Variants in EPS8 observed in about 807,000 individuals in gnomAD.
EPS8 encodes EGFR pathway substrate 8, signaling adaptor.
A neutral mutation model predicts 103.8 loss-of-function variants in EPS8; 42 were observed. The observed-to-expected ratio is 0.40, with a 90% CI of 0.32 to 0.52. The LOEUF (loss-of-function observed/expected upper bound fraction) is 0.52. Among genes scored for constraint, EPS8 ranks in the 20% least tolerant of loss-of-function variants. The probability of loss-of-function intolerance (pLI) is 0.40; values close to 1 mark genes in which losing one functional copy is unlikely to be tolerated. For missense variants in EPS8, 969 were observed against 1,005.1 expected, an observed-to-expected ratio of 0.96 and a Z score of 0.49; for synonymous variants, 344 against 344.6, an observed-to-expected ratio of 1.00 and a Z score of 0.02.
chr12:15,641,506 C>A (rs908266020), intron 16 of EPS8, among the ~76,000 whole-genome samples: 3 of 151,812 alleles, frequency 2.0e-5, no homozygotes, highest in Non-Finnish European at 4.4e-5. Context: ...AAAAAACCCA[C>A]CCTGCCACTC....
Position 15,698,322 on chromosome 12 carries a change from A to G in EPS8, c.-21-15350T>C, listed in dbSNP as rs1270394053. Among the ~76,000 whole-genome samples, 2 of 152,196 alleles carry G rather than the reference A, an allele frequency of 1.3e-5. No individual in the cohort carries two copies. The highest frequency in any genetic ancestry group is 2.9e-5 in the Non-Finnish European group (2 of 68,038). Reference sequence around the variant, plus strand: ...TAAAATCTTACTAATAAATATTTTAACCAAGTAAGTTAAAACAGAAAAAAT... The same window carrying G: ...TAAAATCTTACTAATAAATATTTTAGCCAAGTAAGTTAAAACAGAAAAAAT... On this transcript the variant is annotated intron_variant, in intron 1 of 20. Coordinates refer to ENST00000281172, the MANE Select transcript of EPS8 (RefSeq NM_004447.6). The surrounding 1 kb of genome is among the most constrained non-coding windows in gnomAD (Gnocchi z 4.9).
Position 15,776,578 on chromosome 12 carries a change from C to T in EPS8, c.-22+12583G>A, listed in dbSNP as rs1033515856. 6.6e-6 allele frequency among the ~76,000 whole-genome samples: 1 copy of T among 152,204 alleles called. No individual in the cohort carries two copies. The highest frequency in any genetic ancestry group is 2.1e-4 in the South Asian group (1 of 4,836). ...CAATGTTAGCTAGAAATGTCTGGCT[C>T]AATCTCGCAAGAATAGGAATTTCCA... On this transcript the variant is annotated intron_variant, in intron 1 of 20. Coordinates refer to ENST00000281172, the MANE Select transcript of EPS8 (RefSeq NM_004447.6). The surrounding 1 kb of genome is among the most constrained non-coding windows in gnomAD (Gnocchi z 4.2).
At position 15,697,997 on chromosome 12, in the gene EPS8, T is replaced by C. The variant is rs924940012; in HGVS notation, c.-21-15025A>G. On this transcript the variant is annotated intron_variant, in intron 1 of 20. Transcript: ENST00000281172. This position sits in a 1 kb window ranked among gnomAD's most constrained non-coding sequence, Gnocchi z 5.6. ...TTACAGAAATTTCTCTATGGGAACA[T>C]ATTTCCAGTTGTATAAAAGCTATCA... Among the ~76,000 whole-genome samples the C allele has an allele frequency of 1.3e-5, 2 of 152,190 alleles. No individual in the cohort carries two copies. Among genetic ancestry groups the C allele is most frequent in the African/African-American group, 2.4e-5 (1 of 41,438 alleles).
intron 1 of EPS8, among the ~76,000 whole-genome samples, chr12:15,773,259 T>C (rs1947173201): frequency 6.6e-6 from 1 of 152,148 alleles, no homozygotes; most frequent in South Asian, 2.1e-4. Context: ...GACTCCATAA[T>C]ACATTTTGCA....
In EPS8 at chr12:15,742,886, A is replaced by G. The variant is rs146712077; in HGVS notation, c.-22+46275T>C. Among the ~76,000 whole-genome samples the G allele has an allele frequency of 9.5e-3, 1,447 of 152,336 alleles. 10 individuals carry two copies. Among genetic ancestry groups the G allele is most frequent in the South Asian group, 0.021 (101 of 4,830 alleles). On this transcript the variant is annotated intron_variant, in intron 1 of 20. Transcript: ENST00000281172. ...ATGCCCTCTCTCACCACTCCTATTC[A>G]GCATAGTGTTGAAAGTTCTGGCCAG...
At chr12:15,770,911 C>G (rs1947147514) in intron 1 of EPS8, among the ~76,000 whole-genome samples, 1 of 152,118 alleles carries the variant, frequency 6.6e-6, no homozygotes, top group South Asian at 2.1e-4. Flanking sequence ...AACCAATACA[C>G]ATTGAGCGTC....
In EPS8 at chr12:15,784,296, T is replaced by A. The variant is rs1158919753; in HGVS notation, c.-22+4865A>T. On this transcript the variant is annotated intron_variant, in intron 1 of 20. Coordinates refer to ENST00000281172, the MANE Select transcript of EPS8 (RefSeq NM_004447.6). The surrounding 1 kb of genome is among the most constrained non-coding windows in gnomAD (Gnocchi z 4.0). ...TATAAAGAACTCTTAAAATCAACAA[T>A]AAGAAAACAACCCCATTAAAAAGTG... 6.6e-6 allele frequency among the ~76,000 whole-genome samples: 1 copy of A among 151,750 alleles called. No homozygotes were observed. Among genetic ancestry groups the A allele is most frequent in the Non-Finnish European group, 1.5e-5 (1 of 67,896 alleles).
chr12:15,754,679 C>T lies in EPS8; in HGVS notation c.-22+34482G>A, dbSNP rs112149743. ...TTTGAACACCCAACTTCATGTGTTC[C>T]AAGTAAATAGTCCACAAGATTTCAC... On this transcript the variant is annotated intron_variant, in intron 1 of 20. Transcript: ENST00000281172. Among the ~76,000 whole-genome samples, 14 of 152,156 alleles carry T rather than the reference C, an allele frequency of 9.2e-5. 2 individuals carry two copies. Among genetic ancestry groups the T allele is most frequent in the African/African-American group, 3.1e-4 (13 of 41,514 alleles).
intron 3 of EPS8, among the ~76,000 whole-genome samples, chr12:15,680,744 G>C (rs1354125067): frequency 6.6e-6 from 1 of 152,114 alleles, no homozygotes; most frequent in Non-Finnish European, 1.5e-5. Context: ...GTATATGTGA[G>C]ACAATCCAGA....
rs1946238363 is a variant in EPS8 at position 15,696,002 on chromosome 12, G to A, written c.-21-13030C>T. Among the ~76,000 whole-genome samples the A allele has an allele frequency of 1.3e-5, 2 of 152,152 alleles. No individual in the cohort carries two copies. The highest frequency in any genetic ancestry group is 4.1e-4 in the South Asian group (2 of 4,832). On this transcript the variant is annotated intron_variant, in intron 1 of 20. Transcript: ENST00000281172. This position sits in a 1 kb window ranked among gnomAD's most constrained non-coding sequence, Gnocchi z 4.8. ...GTTTATAAGGATACAAACACAGACT[G>A]CATCAAACCTAGCTATGAACTTCTC... is the stretch of plus-strand genomic sequence containing the variant.
At chr12:15,773,723 C>G (rs1947178609) in intron 1 of EPS8, among the ~76,000 whole-genome samples, 1 of 152,096 alleles carries the variant, frequency 6.6e-6, no homozygotes, top group South Asian at 2.1e-4. Flanking sequence ...ATTATTTTGA[C>G]AGCATATGAC....
intron 1 of EPS8, among the ~76,000 whole-genome samples, chr12:15,715,075 T>C (rs1270827550): frequency 6.6e-6 from 1 of 152,194 alleles, no homozygotes; most frequent in Non-Finnish European, 1.5e-5. Context: ...CCCCAACTGC[T>C]GTGGTGCTGC....
At chr12:15,675,102 A>C (rs1021696055) in intron 3 of EPS8, among the ~76,000 whole-genome samples, 2 of 152,250 alleles carry the variant, frequency 1.3e-5, no homozygotes, top group Admixed American at 6.5e-5. Context: ...ATTCAGGAAC[A>C]CTGCTACAAA....
chr12:15,639,512 T>A (rs773366221), intron 17 of EPS8, among the ~76,000 whole-genome samples: 4 of 152,154 alleles, frequency 2.6e-5, no homozygotes, highest in Non-Finnish European at 4.4e-5. Context: ...TATATGCACA[T>A]GAGGCCAGCC....
At chr12:15,637,284 G>A (rs190132190) in intron 17 of EPS8, among the ~76,000 whole-genome samples, 77 of 152,342 alleles carry the variant, frequency 5.1e-4, no homozygotes, top group African/African-American at 1.8e-3. Context: ...GCCTCCCAAA[G>A]TTCTGGGATT....
At chr12:15,765,816 G>GT (rs1947088016) in intron 1 of EPS8, among the ~76,000 whole-genome samples, 2 of 143,548 alleles carry the variant, frequency 1.4e-5, no homozygotes, top group Non-Finnish European at 3.1e-5. Flanking sequence ...TTTTTTTTTT[G>GT]GTTTTTTTTT....
intron 10 of EPS8, among the ~76,000 whole-genome samples, chr12:15,658,941 T>C (rs1260617829): frequency 6.6e-6 from 1 of 152,078 alleles, no homozygotes; most frequent in Non-Finnish European, 1.5e-5. Flanking sequence ...TACCAATCGT[T>C]ATGAGAAGAG....
Position 15,688,331 on chromosome 12 carries a change from T to G in EPS8, c.-21-5359A>C, listed in dbSNP as rs1946123541. 6.6e-6 allele frequency among the ~76,000 whole-genome samples: 1 copy of G among 152,052 alleles called. No homozygotes were observed. Among genetic ancestry groups the G allele is most frequent in the African/African-American group, 2.4e-5 (1 of 41,402 alleles). On this transcript the variant is annotated intron_variant, in intron 1 of 20. Coordinates refer to ENST00000281172, the MANE Select transcript of EPS8 (RefSeq NM_004447.6). This position sits in a 1 kb window ranked among gnomAD's most constrained non-coding sequence, Gnocchi z 5.1. ...AATGATACGGAAGGGAAGGGAGTGG[T>G]CCCTTTAAATAATACAGAAGTGGGG...
chr12:15,750,909 G>C (rs1241846784), intron 1 of EPS8, among the ~76,000 whole-genome samples: 1 of 152,062 alleles, frequency 6.6e-6, no homozygotes. Flanking sequence ...AGTATCAAAA[G>C]GATTTTCTTT....
Sources: allele counts gnomAD v4.1 joint callset (sites outside exome capture counted in the v4.1 genomes callset), GRCh38; gene constraint gnomAD v4.1.1; non-coding constraint Gnocchi (gnomAD v3.1); transcripts MANE v1.5; gene names NCBI Gene and HGNC (gene_info 2026-07-23, HGNC 2026-07-21).